Variants in EXOC6 observed in about 807,000 individuals in gnomAD.
EXOC6 encodes the protein exocyst complex component 6.
EXOC6 carries 60 observed loss-of-function variants against 112.5 expected under a neutral mutation model. The ratio of observed to expected loss-of-function variants is 0.53; its 90% CI spans 0.43 to 0.66. EXOC6 has a LOEUF of 0.66. EXOC6 is among the 30% of genes least tolerant of loss of function. EXOC6 has a pLI of 0.00. For synonymous variants in EXOC6, 295 were observed against 308.0 expected, an observed-to-expected ratio of 0.96 and a Z score of 0.44; for missense variants, 855 against 957.1, an observed-to-expected ratio of 0.89 and a Z score of 1.41.
chr10:92,976,318 G>A (rs1842602110), intron 18 of EXOC6, among the ~76,000 whole-genome samples: 1 of 152,236 alleles, frequency 6.6e-6, no homozygotes. Flanking sequence ...TTTTCACTTT[G>A]TTCTGTACTA....
chr10:92,953,699 G>A (rs1853541730), intron 15 of EXOC6, among the ~76,000 whole-genome samples: 1 of 152,162 alleles, frequency 6.6e-6, no homozygotes, highest in East Asian at 1.9e-4. Flanking sequence ...GTGATAATGA[G>A]GCTGTATCCA....
intron 13 of EXOC6, among the ~76,000 whole-genome samples, chr10:92,941,411 T>TTGAG (rs1290576846): frequency 1.3e-5 from 2 of 152,340 alleles, no homozygotes; most frequent in East Asian, 3.9e-4. Context: ...ATATATCTGT[T>TTGAG]TGAGTCTCTG....
chr10:92,921,795 C>G lies in EXOC6; in HGVS notation c.888+1745C>G, dbSNP rs1275892370. On this transcript the variant is annotated intron_variant, in intron 8 of 21. Coordinates refer to ENST00000260762, the MANE Select transcript of EXOC6 (RefSeq NM_019053.6). ...TCCCAAGTACCTGGGACTACAGGCT[C>G]ATGCCACCATGCTTGGCTAATTTTT... Among the ~76,000 whole-genome samples the G allele has an allele frequency of 2.6e-5, 4 of 151,914 alleles. No homozygotes were observed. In the East Asian group the frequency reaches 7.8e-4, roughly 30 times the overall value.
chr10:92,995,572 T>G lies in EXOC6; in HGVS notation c.1954-1902T>G, dbSNP rs557843545. ...AAAATGACATTTCCATTAAGTATTC[T>G]GAAGCCTATTACATTGTAATTAAAT... On this transcript the variant is annotated intron_variant, in intron 18 of 21. Coordinates refer to ENST00000260762, the MANE Select transcript of EXOC6 (RefSeq NM_019053.6). Among the ~76,000 whole-genome samples the G allele has an allele frequency of 2.6e-5, 4 of 152,350 alleles. No individual in the cohort carries two copies. The South Asian group carries it at 8.3e-4, about 32-fold the overall frequency.
rs529027216 is a variant in EXOC6 at position 92,931,530 on chromosome 10, C to T, written c.973-2614C>T. On this transcript the variant is annotated intron_variant, in intron 9 of 21. Transcript: ENST00000260762. ...AAAAACTATACTGAACATCTTCTCACATGTTTATTTGCCATCAGTTTATCT... is the reference window on the plus strand; with the variant it reads ...AAAAACTATACTGAACATCTTCTCATATGTTTATTTGCCATCAGTTTATCT... Among the ~76,000 whole-genome samples, 3 of 151,684 alleles carry T rather than the reference C, an allele frequency of 2.0e-5. No individual in the cohort carries two copies. In the South Asian group the frequency reaches 6.3e-4, roughly 32 times the overall value.
At chr10:92,907,679 A>G (rs1438261875) in intron 5 of EXOC6, among the ~76,000 whole-genome samples, 6 of 152,214 alleles carry the variant, frequency 3.9e-5, no homozygotes, top group African/African-American at 1.4e-4. Context: ...GTTCATATCA[A>G]ATCAGGAAAT....
intron 1 of EXOC6, among the ~76,000 whole-genome samples, chr10:92,842,551 G>C (rs1280158350): frequency 6.6e-6 from 1 of 151,756 alleles, no homozygotes; most frequent in Non-Finnish European, 1.5e-5. Flanking sequence ...AAGGGAGAAA[G>C]GGCAAAGGGC....
intron 5 of EXOC6, among the ~76,000 whole-genome samples, chr10:92,903,176 A>G (rs932216440): frequency 9.9e-5 from 15 of 152,162 alleles, no homozygotes; most frequent in African/African-American, 3.1e-4. Flanking sequence ...TTAAAAAATA[A>G]TTATTTTAGT....
chr10:93,027,127 G>A (rs1426909050), intron 20 of EXOC6, among the ~76,000 whole-genome samples: 1 of 152,196 alleles, frequency 6.6e-6, no homozygotes, highest in Non-Finnish European at 1.5e-5. Context: ...CGAGTGTTCT[G>A]GATAAAAATG....
At chr10:92,851,817 T>C (rs530071184) in intron 1 of EXOC6, among the ~76,000 whole-genome samples, 197 of 152,200 alleles carry the variant, frequency 1.3e-3, no homozygotes, top group African/African-American at 4.5e-3. Flanking sequence ...ATGCCTGTAA[T>C]CCCAGCACTT....
intron 5 of EXOC6, among the ~76,000 whole-genome samples, chr10:92,906,746 G>A (rs1850464511): frequency 6.6e-6 from 1 of 152,100 alleles, no homozygotes; most frequent in South Asian, 2.1e-4. Context: ...TAGAGTATGA[G>A]CTTACAGAAG....
intron 7 of EXOC6, 148 bp from the exon 8 acceptor site, chr10:92,919,834 G>A (rs966238343): frequency 3.5e-5 from 18 of 513,672 alleles, no homozygotes; most frequent in Middle Eastern, 2.8e-4. Context: ...AAGGTTTTGC[G>A]TTTATAGTGT....
chr10:92,854,334 G>A (rs1302313251), intron 1 of EXOC6, among the ~76,000 whole-genome samples: 1 of 152,024 alleles, frequency 6.6e-6, no homozygotes, highest in Non-Finnish European at 1.5e-5. Flanking sequence ...CTACTTGGGA[G>A]GCTGAGGCAG....
At chr10:93,041,025 T>G (rs957107376) in intron 20 of EXOC6, among the ~76,000 whole-genome samples, 2 of 152,216 alleles carry the variant, frequency 1.3e-5, no homozygotes, top group Non-Finnish European at 2.9e-5. Flanking sequence ...ACCATTTGAC[T>G]TAGGTGTGTG....
intron 1 of EXOC6, among the ~76,000 whole-genome samples, chr10:92,867,608 A>G (rs901716640): frequency 1.3e-5 from 2 of 152,184 alleles, no homozygotes; most frequent in Non-Finnish European, 2.9e-5. Context: ...CTATTAAAAG[A>G]TAATTTTCAA....
chr10:92,989,391 G>A (rs1404320439), intron 18 of EXOC6, among the ~76,000 whole-genome samples: 1 of 152,176 alleles, frequency 6.6e-6, no homozygotes, highest in African/African-American at 2.4e-5. Flanking sequence ...GAAAATATCT[G>A]TATGAGAGTT....
chr10:92,849,466 A>G (rs544336402), intron 1 of EXOC6, among the ~76,000 whole-genome samples: 17 of 152,296 alleles, frequency 1.1e-4, no homozygotes, highest in African/African-American at 3.6e-4. Flanking sequence ...TAGCCAGGCA[A>G]CGTAATGAGC....
At chr10:93,016,364 C>G (rs1190435310) in intron 20 of EXOC6, among the ~76,000 whole-genome samples, 2 of 151,734 alleles carry the variant, frequency 1.3e-5, no homozygotes, top group Non-Finnish European at 1.5e-5. Flanking sequence ...TGGTCTCGAA[C>G]TCCCGGCATC....
chr10:92,947,090 A>T (rs745981614), intron 13 of EXOC6, among the ~76,000 whole-genome samples: 4 of 152,180 alleles, frequency 2.6e-5, no homozygotes, highest in African/African-American at 4.8e-5. Context: ...AATCAAAATT[A>T]TTTAATTAAA....
Sources: allele counts gnomAD v4.1 joint callset (sites outside exome capture counted in the v4.1 genomes callset), GRCh38; gene constraint gnomAD v4.1.1; transcripts MANE v1.5; gene names NCBI Gene and HGNC (gene_info 2026-07-23, HGNC 2026-07-21).